Variants in CCNJL observed in about 807,000 individuals in gnomAD.
CCNJL encodes the protein cyclin J like.
CCNJL carries 33 observed loss-of-function variants against 33.4 expected under a neutral mutation model. The observed-to-expected ratio is 0.99, with a 90% CI of 0.75 to 1.32. The LOEUF is 1.32. Among genes scored for constraint, CCNJL ranks in the 40% most tolerant of loss-of-function variants. CCNJL has a pLI of 0.00. For synonymous variants in CCNJL, 227 were observed against 220.9 expected, an observed-to-expected ratio of 1.03 and a Z score of -0.24; for missense variants, 512 against 499.7, an observed-to-expected ratio of 1.02 and a Z score of -0.23.
At position 160,259,720 on chromosome 5, in the gene CCNJL, CTGTT is replaced by C; in HGVS notation, c.328_331del (p.Asn110AlafsTer5). On this transcript the variant is annotated frameshift_variant, in exon 4 of 6. Coordinates refer to ENST00000257536, the MANE Select transcript of CCNJL (RefSeq NM_001308173.3). LOFTEE classifies it high-confidence loss of function. ...GTTCTGGCTGCTCAGGATCCTCGTG[CTGTT>C]TATTTGCTCCAACTTGGGGACGTGG... is the stretch of plus-strand genomic sequence containing the variant. The C allele has an allele frequency of 6.2e-7, 1 of 1,613,962 alleles. No individual in the cohort carries two copies. The highest frequency in any genetic ancestry group is 8.5e-7 in the Non-Finnish European group (1 of 1,179,846).
At chr5:160,321,009 T>A (rs1483102630) in intron 1 of CCNJL, among the ~76,000 whole-genome samples, 1 of 95,836 alleles carries the variant, frequency 1.0e-5, no homozygotes, top group Non-Finnish European at 1.9e-5. Flanking sequence ...TCTCTCTCTC[T>A]CTCTCTTTCT....
At position 160,297,048 on chromosome 5, in the gene CCNJL, G is replaced by A. The variant is rs574256266; in HGVS notation, c.66+14810C>T. Among the ~76,000 whole-genome samples the A allele has an allele frequency of 6.6e-5, 10 of 152,306 alleles. No individual in the cohort carries two copies. The South Asian group carries it at 1.9e-3, about 28-fold the overall frequency. The stretch of plus-strand genomic sequence containing the variant: ...GCCTGAGGACTTAGCTAATGGAGGG[G>A]ATCTCAAGCTCTCAGCACATGGTAA... On this transcript the variant is annotated intron_variant, in intron 2 of 5. Transcript: ENST00000257536.
At chr5:160,300,305 TCA>T (rs1215757350) in intron 2 of CCNJL, among the ~76,000 whole-genome samples, 2 of 152,078 alleles carry the variant, frequency 1.3e-5, no homozygotes, top group South Asian at 2.1e-4. Context: ...TCCAGCCAGG[TCA>T]CCTTAACAGC....
chr5:160,301,572 T>C (rs1431026577), intron 2 of CCNJL, among the ~76,000 whole-genome samples: 1 of 151,840 alleles, frequency 6.6e-6, no homozygotes, highest in Admixed American at 6.6e-5. Flanking sequence ...TAGCTGTGAC[T>C]ACAGGCATGT....
chr5:160,317,641 TG>T (rs1763394582), upstream of CCNJL, among the ~76,000 whole-genome samples: 1 of 151,874 alleles, frequency 6.6e-6, no homozygotes, highest in Non-Finnish European at 1.5e-5. Context: ...GGGCATGGGG[TG>T]GGGGGAGTAC....
intron 2 of CCNJL, among the ~76,000 whole-genome samples, chr5:160,296,740 C>T (rs967262070): frequency 1.3e-5 from 2 of 152,178 alleles, no homozygotes; most frequent in Non-Finnish European, 2.9e-5. Flanking sequence ...ATGCTTGACT[C>T]TCCCTAGCTG....
intron 1 of CCNJL, among the ~76,000 whole-genome samples, chr5:160,323,789 T>C (rs1763502287): frequency 6.6e-6 from 1 of 152,216 alleles, no homozygotes; most frequent in Non-Finnish European, 1.5e-5. Context: ...TGTGGTGGGC[T>C]TCATCTAGTC....
intron 2 of CCNJL, among the ~76,000 whole-genome samples, chr5:160,311,225 G>T (rs1051902519): frequency 6.6e-6 from 1 of 152,044 alleles, no homozygotes; most frequent in Admixed American, 6.6e-5. Flanking sequence ...GAGGCAAACC[G>T]GCAGGGGAGT....
intron 2 of CCNJL, chr5:160,295,012 CCTCGCTGCGA>C (rs1463285038): frequency 6.6e-6 from 1 of 152,280 alleles, no homozygotes; most frequent in East Asian, 1.9e-4. Context: ...ACCACTACCC[CCTCGCTGCGA>C]CTCTACTTCC....
chr5:160,314,422 T>C (rs753645014), upstream of CCNJL, among the ~76,000 whole-genome samples: 1 of 152,156 alleles, frequency 6.6e-6, no homozygotes, highest in South Asian at 2.1e-4. Flanking sequence ...GGGAAAAAAG[T>C]AAAACTAAGG....
chr5:160,335,686 C>T (rs754784951), intron 1 of CCNJL, among the ~76,000 whole-genome samples: 1 of 152,020 alleles, frequency 6.6e-6, no homozygotes, highest in South Asian at 2.1e-4. Flanking sequence ...ATCCTCCTGC[C>T]TCAGCCTCTC....
chr5:160,265,896 C>T (rs1761564163), intron 3 of CCNJL, among the ~76,000 whole-genome samples: 2 of 152,040 alleles, frequency 1.3e-5, no homozygotes, highest in African/African-American at 4.8e-5. Flanking sequence ...AATGCAATGC[C>T]TTTAAAAACA....
rs541007883 is a variant in CCNJL, at chr5:160,321,664, G to A, written n.207-6159C>T. On this transcript the variant is annotated intron_variant and non_coding_transcript_variant, in intron 1 of 7. Coordinates refer to the CCNJL transcript ENST00000377503. ...TTAAAATATTATTAAGATCCTGGCC[G>A]GGCGCGGTGGCTCACGCCTGTAATC... Among the ~76,000 whole-genome samples, 7 of 152,236 alleles carry A rather than the reference G, an allele frequency of 4.6e-5. No homozygotes were observed. The South Asian group carries it at 6.2e-4, about 14-fold the overall frequency.
At position 160,320,948 on chromosome 5, in the gene CCNJL, C is replaced by A. The variant is rs12515220; in HGVS notation, n.207-5443G>T. On this transcript the variant is annotated intron_variant and non_coding_transcript_variant, in intron 1 of 7. Transcript: ENST00000377503. ...CCTTCCTTCTTTCCTTCCTTCCTTC[C>A]CTCCTTCTCTCCTCTCTGTCTCTCC... is the stretch of plus-strand genomic sequence containing the variant. 2.0e-5 allele frequency among the ~76,000 whole-genome samples: 3 copies of A among 146,796 alleles called. No homozygotes were observed. The South Asian group carries it at 6.6e-4, about 32-fold the overall frequency.
chr5:160,308,480 A>G (rs1210315291), intron 2 of CCNJL, among the ~76,000 whole-genome samples: 2 of 152,218 alleles, frequency 1.3e-5, no homozygotes, highest in Non-Finnish European at 2.9e-5. Flanking sequence ...ACTTCAGGCC[A>G]GGCACGGTGG....
chr5:160,253,565 G>C lies in CCNJL; in HGVS notation c.977C>G (p.Thr326Arg), dbSNP rs901110449. The stretch of plus-strand genomic sequence containing the variant: ...GTACGGGGTGTGGAGGGATGAGCCT[G>C]TACTCCCCGAGAGCAGGCTCCCTGA... Reference protein sequence around the residue: ...HRSGSLLSGSTGSSLHTPYQP... With the variant: ...HRSGSLLSGSRGSSLHTPYQP... Residue 326 changes from threonine to arginine, a missense_variant, in exon 6 of 6, where the codon ACA becomes AGA. By Grantham distance (71) the Thr-to-Arg change is moderately conservative. Transcript: ENST00000257536. 1.2e-6 allele frequency: 2 copies of C among 1,614,170 alleles called. No homozygotes were observed. The highest frequency in any genetic ancestry group is 1.7e-6 in the Non-Finnish European group (2 of 1,180,020).
At chr5:160,338,298 G>A (rs1279225063) in intron 1 of CCNJL, among the ~76,000 whole-genome samples, 2 of 152,118 alleles carry the variant, frequency 1.3e-5, no homozygotes, top group Admixed American at 1.3e-4. Context: ...TATTTGGGAG[G>A]CTGAGGCGGG....
At chr5:160,268,660 G>T (rs1444892476) in intron 3 of CCNJL, among the ~76,000 whole-genome samples, 1 of 152,188 alleles carries the variant, frequency 6.6e-6, no homozygotes, top group African/African-American at 2.4e-5. Flanking sequence ...AGGACCACAG[G>T]GGTTGGAGGC....
chr5:160,330,153 ACT>A (rs924990194), intron 1 of CCNJL, among the ~76,000 whole-genome samples: 2 of 151,530 alleles, frequency 1.3e-5, no homozygotes, highest in Non-Finnish European at 2.9e-5. Context: ...GAAACCTGCC[ACT>A]CTGTTCTGGA....
Sources: allele counts gnomAD v4.1 joint callset (sites outside exome capture counted in the v4.1 genomes callset), GRCh38; gene constraint gnomAD v4.1.1; transcripts MANE v1.5; gene names NCBI Gene and HGNC (gene_info 2026-07-23, HGNC 2026-07-21).